The following GRIN2D variants were observed in gnomAD, a reference collection of about 807,000 sequenced individuals.
The protein encoded by GRIN2D is glutamate receptor ionotropic, NMDA 2D.
Under a neutral mutation model 103.2 loss-of-function variants are expected in GRIN2D, and 37 were observed. The ratio of observed to expected loss-of-function variants is 0.36; its 90% CI spans 0.28 to 0.47. The LOEUF (loss-of-function observed/expected upper bound fraction) is 0.47, where lower values mean the gene tolerates loss of function less well. Among genes scored for constraint, GRIN2D ranks in the 20% least tolerant of loss-of-function variants. The pLI is 1.00. For missense variants in GRIN2D, 1,557 were observed against 1,910.6 expected, an observed-to-expected ratio of 0.81 and a Z score of 3.45; for synonymous variants, 845 against 885.6, an observed-to-expected ratio of 0.95 and a Z score of 0.81.
At chr19:48,425,532 G>A (rs769524406) in intron 11 of GRIN2D, among the ~76,000 whole-genome samples, 23 of 152,214 alleles carry the variant, frequency 1.5e-4, no homozygotes, top group Middle Eastern at 3.4e-3. Flanking sequence ...GTGAGCCACC[G>A]TATCCAGCGG....
intron 3 of GRIN2D, among the ~76,000 whole-genome samples, chr19:48,403,524 T>C (rs1405521202): frequency 1.3e-5 from 2 of 152,152 alleles, no homozygotes; most frequent in Admixed American, 6.6e-5. Flanking sequence ...AGCCACCCTA[T>C]TGGATAGCAT....
intron 3 of GRIN2D, among the ~76,000 whole-genome samples, chr19:48,404,145 C>G (rs1970751569): frequency 6.6e-6 from 1 of 151,362 alleles, no homozygotes; most frequent in South Asian, 2.1e-4. Context: ...GAGGCTGAGG[C>G]AGGAGAACTG....
At chr19:48,398,932 A>G (rs1235934524) in intron 3 of GRIN2D, 75 bp downstream of exon 3, 272 of 441,068 alleles carry the variant, frequency 6.2e-4, no homozygotes, top group Non-Finnish European at 7.4e-4. Context: ...TGGGACAGCC[A>G]GCGGGGGCGG....
intron 11 of GRIN2D, among the ~76,000 whole-genome samples, chr19:48,436,511 G>T (rs1185447603): frequency 1.3e-5 from 2 of 152,188 alleles, no homozygotes; most frequent in Non-Finnish European, 2.9e-5. Context: ...TTCTAATCTT[G>T]CAGCTAATTT....
chr19:48,443,150 G>C lies in GRIN2D; in HGVS notation c.3224G>C (p.Gly1075Ala). 1 of 991,328 alleles carries C rather than the reference G, an allele frequency of 1.0e-6. No homozygotes were observed. The highest frequency in any genetic ancestry group is 1.2e-6 in the Non-Finnish European group (1 of 834,084). 61.4% of individuals were successfully genotyped at this position (991,328 alleles called of 1,614,324 possible). A position where few individuals can be genotyped will look rare whatever the true frequency, so the allele number is the denominator to read the frequency against. The change falls in exon 14 of 14, where the codon GGC becomes GCC. Residue 1075 changes from glycine to alanine, a missense_variant. Transcript: ENST00000263269. The surrounding 1 kb of genome is among the most constrained non-coding windows in gnomAD (Gnocchi z 8.9). ...GAGAGCCAACCCCTGCTGGGGCCAG[G>C]CGCGGGCGGCGCGGGGGGCACGGGG... The part of the protein sequence containing the change: ...DPESQPLLGP[G>A]AGGAGGTGGA...
At chr19:48,435,945 G>A (rs1280449087) in intron 11 of GRIN2D, among the ~76,000 whole-genome samples, 3 of 152,210 alleles carry the variant, frequency 2.0e-5, no homozygotes, top group African/African-American at 7.2e-5. Flanking sequence ...TAAAAATAGG[G>A]CAGGGTGAAT....
At chr19:48,412,422 AAAGAAAG>A (rs1335723594) in intron 4 of GRIN2D, among the ~76,000 whole-genome samples, 3 of 14,514 alleles carry the variant, frequency 2.1e-4, no homozygotes, top group African/African-American at 9.0e-4. Flanking sequence ...AAGAGAAAGA[AAAGAAAG>A]AAAGAAAGAA....
intron 8 of GRIN2D, among the ~76,000 whole-genome samples, chr19:48,417,075 G>A (rs185274598): frequency 6.6e-6 from 1 of 152,112 alleles, no homozygotes; most frequent in African/African-American, 2.4e-5. Flanking sequence ...ATGGTGTGGG[G>A]ATATATAATC....
At chr19:48,434,537 C>T (rs776103227) in intron 11 of GRIN2D, among the ~76,000 whole-genome samples, 13 of 152,206 alleles carry the variant, frequency 8.5e-5, no homozygotes, top group Non-Finnish European at 1.3e-4. Flanking sequence ...GGATTACAGG[C>T]GTGAGCCACC....
Position 48,442,438 on chromosome 19 carries a change from T to G in GRIN2D, c.2673+56T>G, listed in dbSNP as rs986783873. 4.9e-5 allele frequency: 76 copies of G among 1,566,632 alleles called. No homozygotes were observed. The highest frequency in any genetic ancestry group is 7.8e-6 in the Non-Finnish European group (9 of 1,151,946). On this transcript the variant is annotated intron_variant, in intron 13 of 13. Coordinates refer to ENST00000263269, the MANE Select transcript of GRIN2D (RefSeq NM_000836.4). The surrounding 1 kb of genome is among the most constrained non-coding windows in gnomAD (Gnocchi z 7.2). Reference sequence around the variant, plus strand: ...GAGATGGCAGGGGCGGGGACAAAGGTAAAGCCGAGCAGAGACAAGGAGATG... The same window carrying G: ...GAGATGGCAGGGGCGGGGACAAAGGGAAAGCCGAGCAGAGACAAGGAGATG...
At position 48,396,462 on chromosome 19, in the gene GRIN2D, G is replaced by A. The variant is rs373726790; in HGVS notation, c.-27+1526G>A. Among the ~76,000 whole-genome samples, 60 of 152,134 alleles carry A rather than the reference G, an allele frequency of 3.9e-4. 1 individual carries two copies. The highest frequency in any genetic ancestry group is 1.4e-3 in the African/African-American group (56 of 41,478). ...GTGGGTCTGGGAGAGGCAGAGGAGG[G>A]GCTGGAGGGTGAGCAGCCACTGGGA... On this transcript the variant is annotated intron_variant, in intron 2 of 13. Transcript: ENST00000263269.
chr19:48,419,515 C>CTT (rs11302654), intron 9 of GRIN2D, 70 bp from the exon 10 acceptor site: 86 of 1,181,820 alleles, frequency 7.3e-5, no homozygotes, highest in Non-Finnish European at 8.4e-5. Flanking sequence ...GTAGTTCTTT[C>CTT]TTTTTTTTTT....
At chr19:48,415,921 G>A (rs1014695594) in intron 7 of GRIN2D, 81 bp from the exon 8 acceptor site, 2 of 1,293,634 alleles carry the variant, frequency 1.5e-6, no homozygotes, top group Non-Finnish European at 2.2e-6. Context: ...TGCTCCCGGG[G>A]CCCGTCTCTG....
chr19:48,442,158 G>A lies in GRIN2D; in HGVS notation c.2449G>A (p.Glu817Lys), dbSNP rs1971302963. ...TGACCGCCCCTCCCTAGATGAGATC[G>A]AGATGCTGGAGCGGCTGTGGCTCTC... ...LLQFLGDDEI[E>K]MLERLWLSGI... The change falls in exon 13 of 14, where the codon GAG (glutamate) becomes AAG (lysine). Residue 817 changes from glutamate (E) to lysine (K), a missense_variant. Glu to Lys is a moderately conservative substitution (Grantham distance 56). This residue lies in a region of GRIN2D where 138 missense variants were observed against 270.2 expected (regional missense o/e 0.51). Transcript: ENST00000263269. The surrounding 1 kb of genome is among the most constrained non-coding windows in gnomAD (Gnocchi z 7.2). 5 of 1,614,090 alleles carry A rather than the reference G, an allele frequency of 3.1e-6. No individual in the cohort carries two copies. Among genetic ancestry groups the A allele is most frequent in the Non-Finnish European group, 3.4e-6 (4 of 1,179,970 alleles).
chr19:48,414,320 G>T lies in GRIN2D; in HGVS notation c.1201-53G>T. On this transcript the variant is annotated intron_variant, in intron 5 of 13. Transcript: ENST00000263269. This position sits in a 1 kb window ranked among gnomAD's most constrained non-coding sequence, Gnocchi z 4.6. ...GAGGGAAGAGGATCATGGAGGCCAG[G>T]ATACACCGGGAAGTCTTCCCAGGAA... 4.9e-6 allele frequency: 7 copies of T among 1,424,860 alleles called. No individual in the cohort carries two copies. In the South Asian group the frequency reaches 8.5e-5, roughly 17 times the overall value. The allele number at this position is 1,424,860 out of a possible 1,614,324, so 88.3% of individuals were successfully genotyped here.
Position 48,443,179 on chromosome 19 carries a change from G to T in GRIN2D, c.3253G>T (p.Ala1085Ser). The change falls in exon 14 of 14, where the codon GCA (alanine) becomes TCA (serine). Residue 1085 changes from alanine (A) to serine (S), a missense_variant. Physicochemically the swap from Ala to Ser is moderately conservative, Grantham distance 99 (BLOSUM62 1). Transcript: ENST00000263269. This position sits in a 1 kb window ranked among gnomAD's most constrained non-coding sequence, Gnocchi z 8.9. ...GAGGAGGTGG[A>S]GGGAPAAPPP... The stretch of plus-strand genomic sequence containing the variant: ...GGGCGGCGCGGGGGGCACGGGGGGC[G>T]CAGGCGGAGGAGCCCCGGCCGCTCC... 9.3e-7 allele frequency: 1 copy of T among 1,074,192 alleles called. No homozygotes were observed. Among genetic ancestry groups the T allele is most frequent in the Non-Finnish European group, 1.1e-6 (1 of 882,130 alleles). 66.5% of individuals were successfully genotyped at this position (1,074,192 alleles called of 1,614,324 possible).
At chr19:48,436,780 G>A (rs1600993740) in intron 11 of GRIN2D, among the ~76,000 whole-genome samples, 4 of 152,334 alleles carry the variant, frequency 2.6e-5, no homozygotes, top group Admixed American at 2.6e-4. Context: ...AGAACAGCCA[G>A]TGCAAAGGCC....
intron 4 of GRIN2D, among the ~76,000 whole-genome samples, chr19:48,406,369 A>G (rs1970792369): frequency 6.6e-6 from 1 of 152,202 alleles, no homozygotes; most frequent in Non-Finnish European, 1.5e-5. Context: ...AGTTTGTTGG[A>G]AAATAGCATC....
chr19:48,443,510 T>C lies in GRIN2D; in HGVS notation c.3584T>C (p.Leu1195Pro), dbSNP rs1024728323. Reference sequence around the variant, plus strand: ...GAGCTGCTGCCGCCGCCGCGCCATCTCAGCTGCTCGCACGATGGCCTGGAC... The same window carrying C: ...GAGCTGCTGCCGCCGCCGCGCCATCCCAGCTGCTCGCACGATGGCCTGGAC... ...SLELLPPPRH[L>P]SCSHDGLDGG... The change falls in exon 14 of 14, where the codon CTC becomes CCC. Residue 1195 changes from leucine to proline, a missense_variant. Physicochemically the swap from Leu to Pro is moderately conservative, Grantham distance 98 (BLOSUM62 -3). This residue lies in a region of GRIN2D where 632 missense variants were observed against 572.8 expected (regional missense o/e 1.10). Coordinates refer to ENST00000263269, the MANE Select transcript of GRIN2D (RefSeq NM_000836.4). This position sits in a 1 kb window ranked among gnomAD's most constrained non-coding sequence, Gnocchi z 8.9. 2.2e-5 allele frequency: 29 copies of C among 1,348,088 alleles called. No individual in the cohort carries two copies. Among genetic ancestry groups the C allele is most frequent in the Admixed American group, 3.4e-5 (1 of 29,020 alleles). The allele number at this position is 1,348,088 out of a possible 1,614,324, so 83.5% of individuals were successfully genotyped here.
Sources: gnomAD v4.1 joint callset for allele counts (sites outside exome capture counted in the v4.1 genomes callset) on GRCh38, gnomAD v4.1.1 for gene constraint, gnomAD v4.1.1 regional missense constraint, Gnocchi (gnomAD v3.1) non-coding constraint, MANE v1.5 for transcripts, NCBI Gene and HGNC (gene_info 2026-07-23, HGNC 2026-07-21) for gene names.